Variants in RNLS observed in about 807,000 individuals in gnomAD.
RNLS encodes the protein renalase, FAD dependent amine oxidase.
RNLS carries 39 observed loss-of-function variants against 39.8 expected under a neutral mutation model. That is an observed-to-expected ratio of 0.98 (90% confidence interval 0.76 to 1.28). The LOEUF is 1.28. Ranked by LOEUF, RNLS falls within the 50% of genes most tolerant of loss-of-function variation. The pLI is 0.00. For missense variants in RNLS, 410 were observed against 413.3 expected, an observed-to-expected ratio of 0.99 and a Z score of 0.07; for synonymous variants, 147 against 150.7, an observed-to-expected ratio of 0.98 and a Z score of 0.18.
chr10:88,561,194 C>T (rs1390454888), intron 4 of RNLS, among the ~76,000 whole-genome samples: 1 of 152,102 alleles, frequency 6.6e-6, no homozygotes, highest in Non-Finnish European at 1.5e-5. Flanking sequence ...TTAAGGAATC[C>T]TCTCTAGATA....
chr10:88,483,404 T>C (rs1844318057), intron 4 of RNLS, among the ~76,000 whole-genome samples: 1 of 152,112 alleles, frequency 6.6e-6, no homozygotes, highest in African/African-American at 2.4e-5. Context: ...TCTCAGTAAA[T>C]GCTGGCAAAA....
At chr10:88,279,831 A>T (rs1470140917), downstream of RNLS, among the ~76,000 whole-genome samples, 1 of 152,160 alleles carries the variant, frequency 6.6e-6, no homozygotes, top group African/African-American at 2.4e-5. Context: ...CATTAGAGCA[A>T]ACCACCTTTT....
the RNLS span, among the ~76,000 whole-genome samples, chr10:88,249,218 C>A: frequency 6.6e-6 from 1 of 152,170 alleles, no homozygotes; most frequent in African/African-American, 2.4e-5. Context: ...ATTTTTAACT[C>A]TTTTGGAAAA....
At chr10:88,244,541 G>A in the RNLS span, among the ~76,000 whole-genome samples, 2 of 152,198 alleles carry the variant, frequency 1.3e-5, no homozygotes, top group Admixed American at 1.3e-4. Flanking sequence ...AGAGTGGGCA[G>A]ATGGCAGGAT....
intron 4 of RNLS, among the ~76,000 whole-genome samples, chr10:88,553,344 C>T (rs1848689912): frequency 6.6e-6 from 1 of 152,168 alleles, no homozygotes; most frequent in African/African-American, 2.4e-5. Flanking sequence ...TTCAGAAGAA[C>T]ATTTAAACAC....
intron 4 of RNLS, among the ~76,000 whole-genome samples, chr10:88,417,396 A>C (rs1480814781): frequency 6.6e-6 from 1 of 152,212 alleles, no homozygotes. Flanking sequence ...TGGATTTAAA[A>C]GCCTTTGATT....
At chr10:88,378,976 A>G (rs1188643430) in intron 4 of RNLS, among the ~76,000 whole-genome samples, 1 of 152,240 alleles carries the variant, frequency 6.6e-6, no homozygotes, top group East Asian at 1.9e-4. Flanking sequence ...CTACCACTAT[A>G]AAGTATTATG....
At chr10:88,309,777 A>G (rs1013350807) in intron 6 of RNLS, among the ~76,000 whole-genome samples, 1 of 151,864 alleles carries the variant, frequency 6.6e-6, no homozygotes, top group Admixed American at 6.6e-5. Context: ...AAGAGAGCAA[A>G]GAGAGGATTC....
At chr10:88,315,882 G>T (rs1845727626) in intron 5 of RNLS, among the ~76,000 whole-genome samples, 1 of 151,750 alleles carries the variant, frequency 6.6e-6, no homozygotes, top group Admixed American at 6.6e-5. Context: ...TTCTGACACA[G>T]AATAGGTGCT....
At chr10:88,519,728 T>C (rs982897463) in intron 4 of RNLS, among the ~76,000 whole-genome samples, 11 of 150,656 alleles carry the variant, frequency 7.3e-5, no homozygotes, top group African/African-American at 2.7e-4. Context: ...ATATATGATA[T>C]ATATCACATA....
chr10:88,573,247 T>C (rs1419259940), intron 3 of RNLS, among the ~76,000 whole-genome samples, 186 bp from the exon 4 acceptor site: 1 of 152,218 alleles, frequency 6.6e-6, no homozygotes, highest in African/African-American at 2.4e-5. Context: ...CCTGGCATCC[T>C]TGGACTTCCC....
At chr10:88,483,668 T>G (rs1844334597) in intron 4 of RNLS, among the ~76,000 whole-genome samples, 1 of 152,142 alleles carries the variant, frequency 6.6e-6, no homozygotes, top group African/African-American at 2.4e-5. Flanking sequence ...AAAGACCAAA[T>G]GCCATTTTTT....
chr10:88,531,451 A>C (rs1847420783), intron 4 of RNLS, among the ~76,000 whole-genome samples: 1 of 152,128 alleles, frequency 6.6e-6, no homozygotes, highest in Non-Finnish European at 1.5e-5. Context: ...TTACGATTCC[A>C]CTTAGTCTAG....
chr10:88,564,178 T>C (rs1849358165), intron 4 of RNLS, among the ~76,000 whole-genome samples: 1 of 152,158 alleles, frequency 6.6e-6, no homozygotes, highest in African/African-American at 2.4e-5. Flanking sequence ...TTATTACATC[T>C]TTGCTATCAC....
the RNLS span, among the ~76,000 whole-genome samples, chr10:88,172,811 C>G: frequency 4.1e-5 from 3 of 72,978 alleles, no homozygotes; most frequent in South Asian, 5.7e-4. Flanking sequence ...AGTTTGGGGT[C>G]TTACATTTAA....
At chr10:88,473,824 C>CAT (rs376385633) in intron 4 of RNLS, among the ~76,000 whole-genome samples, 6 of 151,828 alleles carry the variant, frequency 4.0e-5, no homozygotes, top group East Asian at 1.9e-4. Flanking sequence ...AATAAAAAGC[C>CAT]ATATATATAT....
At chr10:88,314,006 C>CA (rs1165757240) in intron 6 of RNLS, among the ~76,000 whole-genome samples, 3 of 152,146 alleles carry the variant, frequency 2.0e-5, no homozygotes, top group Non-Finnish European at 4.4e-5. Flanking sequence ...GCTCAGCTGG[C>CA]AGCAGTCAAA....
intron 4 of RNLS, among the ~76,000 whole-genome samples, chr10:88,399,325 A>G (rs1258478448): frequency 1.3e-5 from 2 of 152,036 alleles, no homozygotes; most frequent in African/African-American, 4.8e-5. Flanking sequence ...CTTGTACATG[A>G]ATGTTCGTAA....
At chr10:88,527,673 C>T (rs1847187283) in intron 4 of RNLS, among the ~76,000 whole-genome samples, 1 of 152,036 alleles carries the variant, frequency 6.6e-6, no homozygotes, top group Admixed American at 6.6e-5. Flanking sequence ...ATCCCTCTTC[C>T]CCCCACATAT....
Sources: allele counts gnomAD v4.1 joint callset (sites outside exome capture counted in the v4.1 genomes callset), GRCh38; gene constraint gnomAD v4.1.1; transcripts MANE v1.5; gene names NCBI Gene and HGNC (gene_info 2026-07-23, HGNC 2026-07-21).